DENND4C: variants seen among roughly 807,000 people sequenced by gnomAD.
The protein encoded by DENND4C is DENN domain containing 4C, also known as DENN domain-containing protein 4C.
In DENND4C, 108 loss-of-function variants were observed where a neutral mutation model predicts 203.0. The ratio of observed to expected loss-of-function variants is 0.53; its 90% CI spans 0.46 to 0.62. The LOEUF (loss-of-function observed/expected upper bound fraction) is 0.62. DENND4C is among the 20% of genes least tolerant of loss of function. DENND4C has a pLI of 0.00. For missense variants in DENND4C, 2,481 were observed against 2,301.2 expected, an observed-to-expected ratio of 1.08 and a Z score of -1.60; for synonymous variants, 871 against 792.4, an observed-to-expected ratio of 1.10 and a Z score of -1.67.
At chr9:19,316,180 A>G (rs77413073) in intron 10 of DENND4C, among the ~76,000 whole-genome samples, 3,238 of 152,276 alleles carry the variant, frequency 0.021, 121 homozygotes, top group African/African-American at 0.073. Context: ...TTGTATTCCT[A>G]ACTCCAACAT....
intron 10 of DENND4C, 94 bp from the exon 11 acceptor site, chr9:19,316,323 T>C: frequency 1.1e-6 from 1 of 925,730 alleles, no homozygotes. Context: ...AAAACATCTT[T>C]TCCATTTTCT....
chr9:19,285,576 C>CTTTTT (rs61396893), intron 2 of DENND4C, among the ~76,000 whole-genome samples: 3 of 135,846 alleles, frequency 2.2e-5, no homozygotes, highest in Admixed American at 7.4e-5. Flanking sequence ...GTCTTTGTGA[C>CTTTTT]TTTTTTTTTT....
chr9:19,373,945 A>G lies in DENND4C; in HGVS notation c.*1772A>G, dbSNP rs1266733859. Among the ~76,000 whole-genome samples, 1 of 152,180 alleles carries G rather than the reference A, an allele frequency of 6.6e-6. No homozygotes were observed. Among genetic ancestry groups the G allele is most frequent in the South Asian group, 2.1e-4 (1 of 4,830 alleles). On this transcript the variant is annotated 3_prime_UTR_variant, in exon 33 of 33. Coordinates refer to ENST00000434457, the MANE Select transcript of DENND4C (RefSeq NM_001330640.2). ...TATTGTGAAAATGCTAAATGAAACAATTTGTCAGAAATTATGTACAATTTT... is the reference window on the plus strand; with the variant it reads ...TATTGTGAAAATGCTAAATGAAACAGTTTGTCAGAAATTATGTACAATTTT...
chr9:19,273,150 C>T (rs1287175589), intron 1 of DENND4C, among the ~76,000 whole-genome samples: 1 of 151,848 alleles, frequency 6.6e-6, no homozygotes, highest in African/African-American at 2.4e-5. Context: ...GACAGAGTTT[C>T]ACTAGGTTAG....
At chr9:19,279,786 T>C (rs1202742105) in intron 2 of DENND4C, among the ~76,000 whole-genome samples, 1 of 152,004 alleles carries the variant, frequency 6.6e-6, no homozygotes, top group African/African-American at 2.4e-5. Context: ...GTGGCTCCGA[T>C]TGTGCCACTG....
intron 1 of DENND4C, among the ~76,000 whole-genome samples, chr9:19,246,803 T>C (rs1220929412): frequency 1.3e-5 from 2 of 152,220 alleles, no homozygotes; most frequent in Admixed American, 1.3e-4. Context: ...ATCATTTTTC[T>C]TAGCATATGA....
chr9:19,249,018 T>C lies in DENND4C; in HGVS notation c.-18+18185T>C, dbSNP rs560022663. 5.9e-5 allele frequency among the ~76,000 whole-genome samples: 9 copies of C among 152,156 alleles called. No homozygotes were observed. The East Asian group carries it at 1.6e-3, about 26-fold the overall frequency. ...GTTGGTCATGTTGGTCCCGAACACC[T>C]GACCTTGGTTGATCCACCCTTCTCG... is the stretch of plus-strand genomic sequence containing the variant. On this transcript the variant is annotated intron_variant, in intron 1 of 32. Coordinates refer to ENST00000434457, the MANE Select transcript of DENND4C (RefSeq NM_001330640.2).
intron 1 of DENND4C, among the ~76,000 whole-genome samples, chr9:19,246,912 T>C (rs183964022): frequency 3.3e-3 from 505 of 152,324 alleles, no homozygotes; most frequent in South Asian, 0.013. Flanking sequence ...TTCTCATTTA[T>C]AGCAAAATTT....
At chr9:19,361,992 A>G (rs774428598) in intron 30 of DENND4C, 29 bp downstream of exon 30, 1 of 1,405,348 alleles carries the variant, frequency 7.1e-7, no homozygotes, top group Non-Finnish European at 1.0e-6. Context: ...AAGACATAAC[A>G]GCCAGGTGCA....
intron 30 of DENND4C, among the ~76,000 whole-genome samples, chr9:19,366,538 A>G (rs1827721883): frequency 6.6e-6 from 1 of 152,182 alleles, no homozygotes; most frequent in African/African-American, 2.4e-5. Flanking sequence ...CAGGAGGCGG[A>G]GCTTGCAGTG....
intron 30 of DENND4C, among the ~76,000 whole-genome samples, chr9:19,364,049 G>A (rs957417870): frequency 2.6e-5 from 4 of 152,060 alleles, no homozygotes; most frequent in Admixed American, 6.6e-5. Flanking sequence ...CTGGCGTGGT[G>A]GCTTACGCCC....
At chr9:19,353,678 A>AC (rs1324289590) in intron 26 of DENND4C, among the ~76,000 whole-genome samples, 1 of 151,762 alleles carries the variant, frequency 6.6e-6, no homozygotes, top group Non-Finnish European at 1.5e-5. Context: ...CATGCCTGTA[A>AC]TCCCAGTACT....
At position 19,346,765 on chromosome 9, in the gene DENND4C, T is replaced by G; in HGVS notation, c.3996T>G (p.His1332Gln). 1 of 1,614,216 alleles carries G rather than the reference T, an allele frequency of 6.2e-7. No individual in the cohort carries two copies. Among genetic ancestry groups the G allele is most frequent in the Non-Finnish European group, 8.5e-7 (1 of 1,180,034 alleles). Residue 1332 changes from histidine (H) to glutamine (Q), a missense_variant, in exon 23 of 33, where the codon CAT becomes CAG. Physicochemically the swap from His to Gln is conservative, Grantham distance 24 (BLOSUM62 0). This residue lies in a region of DENND4C where 2,289 missense variants were observed against 2,113.3 expected (regional missense o/e 1.08). Transcript: ENST00000434457. ...LERRSSLPLDHGSPAQENPES... is the reference protein window; with the variant it reads ...LERRSSLPLDQGSPAQENPES... ...GGAGATCAAGCCTACCTTTAGATCA[T>G]GGTTCACCAGCACAGGAAAATCCTG...
chr9:19,296,996 T>A (rs1350955790), intron 6 of DENND4C, among the ~76,000 whole-genome samples: 1 of 152,224 alleles, frequency 6.6e-6, no homozygotes, highest in African/African-American at 2.4e-5. Context: ...TTAATTCTTT[T>A]TGTCATGCGA....
At chr9:19,334,661 GATTACAGGT>G (rs1820035564) in intron 17 of DENND4C, among the ~76,000 whole-genome samples, 1 of 151,742 alleles carries the variant, frequency 6.6e-6, no homozygotes, top group Non-Finnish European at 1.5e-5. Context: ...AAGTAGCTGG[GATTACAGGT>G]ATGCACCACC....
Position 19,356,120 on chromosome 9 carries a change from C to G in DENND4C, c.4782-852C>G, listed in dbSNP as rs181932021. Among the ~76,000 whole-genome samples the G allele has an allele frequency of 1.1e-4, 16 of 151,926 alleles. No homozygotes were observed. The East Asian group carries it at 3.1e-3, about 29-fold the overall frequency. On this transcript the variant is annotated intron_variant, in intron 26 of 32. Transcript: ENST00000434457. Reference sequence around the variant, plus strand: ...TTTCAATGAGCACGCAAATATCTACCCCTGCGTCCTTCAATTTACACTTTA... The same window carrying G: ...TTTCAATGAGCACGCAAATATCTACGCCTGCGTCCTTCAATTTACACTTTA...
chr9:19,253,333 C>T (rs1305635773), intron 1 of DENND4C, among the ~76,000 whole-genome samples: 2 of 152,204 alleles, frequency 1.3e-5, no homozygotes, highest in Non-Finnish European at 2.9e-5. Context: ...TGCCCAACGC[C>T]TTTTAGGCAT....
At chr9:19,271,145 C>G (rs1006033770) in intron 1 of DENND4C, among the ~76,000 whole-genome samples, 4 of 150,462 alleles carry the variant, frequency 2.7e-5, no homozygotes, top group Admixed American at 2.6e-4. Context: ...TTATTTAATG[C>G]AGTCCTAATT....
At chr9:19,243,428 A>G (rs960057610) in intron 1 of DENND4C, among the ~76,000 whole-genome samples, 3 of 152,192 alleles carry the variant, frequency 2.0e-5, no homozygotes, top group African/African-American at 2.4e-5. Flanking sequence ...CACATTCACA[A>G]TGTCATGCAA....
Sources: allele counts gnomAD v4.1 joint callset (sites outside exome capture counted in the v4.1 genomes callset), GRCh38; gene constraint gnomAD v4.1.1; regional missense constraint gnomAD v4.1.1; transcripts MANE v1.5; gene names NCBI Gene and HGNC (gene_info 2026-07-23, HGNC 2026-07-21).